ARHGEF6: variants seen among roughly 807,000 people sequenced by gnomAD.
The protein encoded by ARHGEF6 is Rac/Cdc42 guanine nucleotide exchange factor 6.
ARHGEF6 carries 9 observed loss-of-function variants against 70.3 expected under a neutral mutation model. The observed-to-expected ratio is 0.13, with a 90% CI of 0.08 to 0.22. The LOEUF (loss-of-function observed/expected upper bound fraction) is 0.22. Among genes scored for constraint, ARHGEF6 ranks in the 10% least tolerant of loss-of-function variants. ARHGEF6 has a pLI of 1.00. For synonymous variants in ARHGEF6, 201 were observed against 207.8 expected (o/e 0.97, Z 0.28); for missense variants, 470 against 563.0 (o/e 0.83, Z 1.67).
At chrX:136,708,880 T>G in intron 7 of ARHGEF6, 110 bp from the exon 8 acceptor site, 1 of 538,686 alleles carries the variant, frequency 1.9e-6, no homozygotes, top group Non-Finnish European at 3.1e-6. Flanking sequence ...TAACTTTTGC[T>G]TTTTAATTTA....
At position 136,745,206 on chromosome X, in the gene ARHGEF6, T is replaced by A; in HGVS notation, c.459+17A>T. 2 of 1,211,073 alleles carry A rather than the reference T, an allele frequency of 1.7e-6. No homozygotes were observed. The highest frequency in any genetic ancestry group is 2.2e-6 in the Non-Finnish European group (2 of 894,816). ...TATGGATTTTAAAACAGACGGAGAA[T>A]TGGGGACTATACTTACCACTGTCTT... On this transcript the variant is annotated intron_variant, in intron 4 of 21. Transcript: ENST00000250617.
intron 6 of ARHGEF6, among the ~76,000 whole-genome samples, chrX:136,730,117 A>T (rs1478848768): frequency 9.0e-6 from 1 of 110,789 alleles, no homozygotes; most frequent in Admixed American, 9.6e-5. Flanking sequence ...TAAAAGAAAA[A>T]TGTTATTTCA....
At chrX:136,687,584 T>C (rs1164576732) in intron 11 of ARHGEF6, among the ~76,000 whole-genome samples, 1 of 112,167 alleles carries the variant, frequency 8.9e-6, no homozygotes, top group Non-Finnish European at 1.9e-5. Flanking sequence ...CCAGTATTGA[T>C]GCAAATCAGT....
chrX:136,730,663 T>C (rs1047263724), intron 6 of ARHGEF6, among the ~76,000 whole-genome samples: 35 of 112,121 alleles, frequency 3.1e-4, no homozygotes, highest in African/African-American at 9.7e-4. Flanking sequence ...TTATATACTT[T>C]GGCAAAGTGA....
chrX:136,773,953 A>G (rs752034948), intron 2 of ARHGEF6: 2 of 111,956 alleles, frequency 1.8e-5, no homozygotes, highest in African/African-American at 6.5e-5. Context: ...CTTTTATTTA[A>G]GAAGAGAGAA....
chrX:136,669,908 A>T (rs1486235032), intron 20 of ARHGEF6, among the ~76,000 whole-genome samples: 4 of 112,145 alleles, frequency 3.6e-5, no homozygotes, highest in Non-Finnish European at 7.5e-5. Context: ...TGATATATGT[A>T]TACATTGTGA....
At chrX:136,705,988 A>G (rs1332347759) in intron 9 of ARHGEF6, among the ~76,000 whole-genome samples, 1 of 112,300 alleles carries the variant, frequency 8.9e-6, no homozygotes, top group Non-Finnish European at 1.9e-5. Flanking sequence ...AGCTTCCAGA[A>G]TCCATGTCCA....
chrX:136,698,144 C>T (rs1045096820), intron 9 of ARHGEF6, among the ~76,000 whole-genome samples: 4 of 111,483 alleles, frequency 3.6e-5, no homozygotes, highest in Non-Finnish European at 7.5e-5. Flanking sequence ...ATTAGAGGGG[C>T]TCAACAGCTG....
chrX:136,693,650 T>C (rs966926172), intron 9 of ARHGEF6, among the ~76,000 whole-genome samples: 1 of 112,183 alleles, frequency 8.9e-6, no homozygotes, highest in Admixed American at 9.4e-5. Flanking sequence ...TTTCATAGAA[T>C]GCATGGTGGA....
chrX:136,694,383 T>A (rs978248903), intron 9 of ARHGEF6, among the ~76,000 whole-genome samples: 4 of 112,044 alleles, frequency 3.6e-5, no homozygotes, highest in African/African-American at 1.3e-4. Flanking sequence ...TTGTGATCAG[T>A]CTTACTTGCT....
intron 9 of ARHGEF6, among the ~76,000 whole-genome samples, chrX:136,693,408 C>A (rs1221050120): frequency 1.8e-5 from 2 of 111,569 alleles, no homozygotes; most frequent in African/African-American, 6.5e-5. Context: ...TTTTATTTAG[C>A]CAAATAAACA....
chrX:136,734,095 C>T (rs2076962514), intron 5 of ARHGEF6, among the ~76,000 whole-genome samples: 1 of 112,265 alleles, frequency 8.9e-6, no homozygotes, highest in Non-Finnish European at 1.9e-5. Context: ...CAAGGCAGAA[C>T]TGTTCTTGCG....
At position 136,743,779 on chromosome X, in the gene ARHGEF6, G is replaced by A. The variant is rs144171880; in HGVS notation, c.467C>T (p.Thr156Met). 15 of 1,208,141 alleles carry A rather than the reference G, an allele frequency of 1.2e-5. No homozygotes were observed. Among genetic ancestry groups the A allele is most frequent in the East Asian group, 5.9e-5 (2 of 33,778 alleles). The stretch of plus-strand genomic sequence containing the variant: ...TATCAACTGATGACTTCCATTTTCC[G>A]TCATCTCCTAGAGAAACAAAAGCCA... ...LQRQSKTVEM[T>M]ENGSHQLIVK... Residue 156 changes from threonine to methionine, a missense_variant, in exon 5 of 22, where the codon ACG (threonine) becomes ATG (methionine). By Grantham distance (81) the Thr-to-Met change is moderately conservative (BLOSUM62 -1). Coordinates refer to ENST00000250617, the MANE Select transcript of ARHGEF6 (RefSeq NM_004840.3).
intron 9 of ARHGEF6, among the ~76,000 whole-genome samples, chrX:136,699,957 T>A (rs2076551687): frequency 9.0e-6 from 1 of 111,327 alleles, no homozygotes. Context: ...AAGTCTTATC[T>A]GACCTGAGGA....
intron 2 of ARHGEF6, among the ~76,000 whole-genome samples, chrX:136,769,924 T>A (rs1217165606): frequency 1.8e-5 from 2 of 112,586 alleles, no homozygotes; most frequent in Non-Finnish European, 3.7e-5. Context: ...GATAAGAGGA[T>A]GTCCAAACTC....
At chrX:136,679,795 T>C in intron 15 of ARHGEF6, 135 bp from the exon 16 acceptor site, 6 of 832,399 alleles carry the variant, frequency 7.2e-6, no homozygotes, top group Middle Eastern at 2.9e-4. Flanking sequence ...AAAACAAAAG[T>C]CTCTAGTTTG....
At chrX:136,757,032 T>C (rs1471410777) in intron 2 of ARHGEF6, among the ~76,000 whole-genome samples, 1 of 112,314 alleles carries the variant, frequency 8.9e-6, no homozygotes, top group East Asian at 2.8e-4. Context: ...AAGCCTAATA[T>C]AACCCAAGAT....
chrX:136,738,673 A>G (rs1226429195), intron 5 of ARHGEF6, among the ~76,000 whole-genome samples: 1 of 112,361 alleles, frequency 8.9e-6, no homozygotes, highest in Non-Finnish European at 1.9e-5. Flanking sequence ...CCACCACACC[A>G]GTGTCCAAGA....
chrX:136,760,393 C>A (rs1399942720), intron 2 of ARHGEF6, among the ~76,000 whole-genome samples: 1 of 112,113 alleles, frequency 8.9e-6, no homozygotes. Context: ...TAGAATGGGG[C>A]TGGAGTAGGG....
Sources: gnomAD v4.1 joint callset for allele counts (sites outside exome capture counted in the v4.1 genomes callset) on GRCh38, gnomAD v4.1.1 for gene constraint, MANE v1.5 for transcripts, NCBI Gene and HGNC (gene_info 2026-07-23, HGNC 2026-07-21) for gene names.